Variants in ANKFN1 observed in about 807,000 individuals in gnomAD.
ANKFN1 encodes the protein ankyrin repeat and fibronectin type-III domain-containing protein 1.
A neutral mutation model predicts 108.7 loss-of-function variants in ANKFN1; 74 were observed. That is an observed-to-expected ratio of 0.68 (90% CI 0.56 to 0.83). The LOEUF is 0.83. ANKFN1 is among the 40% of genes least tolerant of loss of function. The pLI, the probability that ANKFN1 is intolerant of heterozygous loss-of-function variation, is 0.00. For missense variants in ANKFN1, 1,505 were observed against 1,382.3 expected, an observed-to-expected ratio of 1.09 and a Z score of -1.41; for synonymous variants, 547 against 516.2, an observed-to-expected ratio of 1.06 and a Z score of -0.81.
At chr17:56,456,697 C>T (rs1029083697) in intron 11 of ANKFN1, among the ~76,000 whole-genome samples, 164 bp from the exon 12 acceptor site, 11 of 151,824 alleles carry the variant, frequency 7.2e-5, no homozygotes, top group African/African-American at 2.7e-4. Flanking sequence ...TGCCCGGCTA[C>T]AAGAGCTTCT....
intron 1 of ANKFN1, among the ~76,000 whole-genome samples, chr17:56,181,387 G>T (rs1020040095): frequency 6.6e-6 from 1 of 152,076 alleles, no homozygotes; most frequent in African/African-American, 2.4e-5. Context: ...CCTTTACAAA[G>T]CACTTTATAT....
chr17:56,417,262 G>A (rs2048269090), intron 8 of ANKFN1, among the ~76,000 whole-genome samples: 1 of 152,170 alleles, frequency 6.6e-6, no homozygotes, highest in African/African-American at 2.4e-5. Flanking sequence ...TGAGGGAATG[G>A]AGACCCTATT....
Position 56,341,546 on chromosome 17 carries a change from TC to T in ANKFN1, c.189-9219del, listed in dbSNP as rs916684170. Among the ~76,000 whole-genome samples the T allele has an allele frequency of 7.9e-5, 12 of 152,134 alleles. No homozygotes were observed. In the East Asian group the frequency reaches 1.4e-3, roughly 17 times the overall value. On this transcript the variant is annotated intron_variant, in intron 4 of 20. Transcript: ENST00000682825. ...TTGAATTTTATCAGAAACCTTTTTT[TC>T]ATCTATTGAGATAATCATGTGGCTT...
intron 3 of ANKFN1, among the ~76,000 whole-genome samples, chr17:56,312,187 A>C (rs1364752299): frequency 6.6e-6 from 1 of 152,100 alleles, no homozygotes; most frequent in Non-Finnish European, 1.5e-5. Flanking sequence ...CTGATAGTAG[A>C]CCTGTGTTCT....
chr17:56,463,475 C>A (rs1009499553), intron 14 of ANKFN1, among the ~76,000 whole-genome samples: 1 of 152,030 alleles, frequency 6.6e-6, no homozygotes, highest in Non-Finnish European at 1.5e-5. Context: ...ATTAAAATTT[C>A]CTAGGCCAGA....
intron 8 of ANKFN1, among the ~76,000 whole-genome samples, chr17:56,439,941 A>G (rs2145156687): frequency 6.6e-6 from 1 of 152,294 alleles, no homozygotes; most frequent in Admixed American, 6.5e-5. Context: ...ATATACACAT[A>G]CACATACACA....
chr17:56,384,154 G>T (rs113372341), intron 8 of ANKFN1, among the ~76,000 whole-genome samples: 1 of 152,244 alleles, frequency 6.6e-6, no homozygotes, highest in Admixed American at 6.5e-5. Flanking sequence ...TTCATCCCTG[G>T]GATGCAAGGC....
At position 56,083,188 on chromosome 17, in the gene ANKFN1, T is replaced by C. The variant is rs1295512339; in HGVS notation, c.288+36863T>C. 2.7e-5 allele frequency among the ~76,000 whole-genome samples: 4 copies of C among 149,232 alleles called. 1 individual carries two copies. The highest frequency in any genetic ancestry group is 5.9e-5 in the Non-Finnish European group (4 of 67,714). On this transcript the variant is annotated intron_variant, in intron 4 of 12. Coordinates refer to the ANKFN1 transcript ENST00000635860. ...ACGGAAAAATGAATAAGTGAATCAA[T>C]GAAACTCAACTGTGCCGAGAAGAAT...
At chr17:56,296,699 A>AAACAAC (rs572858230) in intron 3 of ANKFN1, among the ~76,000 whole-genome samples, 1 of 151,932 alleles carries the variant, frequency 6.6e-6, no homozygotes, top group Non-Finnish European at 1.5e-5. Context: ...ACAAACAAAC[A>AAACAAC]AACAACAACA....
chr17:56,060,798 A>T (rs1334161597), intron 4 of ANKFN1, among the ~76,000 whole-genome samples: 2 of 152,174 alleles, frequency 1.3e-5, no homozygotes, highest in Non-Finnish European at 2.9e-5. Flanking sequence ...ATCGTGGTGT[A>T]TATTTCTTTG....
chr17:56,079,611 C>T (rs986120286), intron 4 of ANKFN1, among the ~76,000 whole-genome samples: 1 of 152,120 alleles, frequency 6.6e-6, no homozygotes, highest in Non-Finnish European at 1.5e-5. Context: ...TAGACATTGT[C>T]TAAGACTCTA....
At chr17:56,370,322 T>C (rs1357082440) in intron 6 of ANKFN1, among the ~76,000 whole-genome samples, 1 of 152,156 alleles carries the variant, frequency 6.6e-6, no homozygotes, top group East Asian at 1.9e-4. Flanking sequence ...AAATGTGTGG[T>C]TCTAGGGAAA....
In ANKFN1 at chr17:56,226,731, GGA is replaced by G. The variant is rs1310779617; in HGVS notation, c.13-1180_13-1179del. Among the ~76,000 whole-genome samples, 33 of 152,258 alleles carry G rather than the reference GGA, an allele frequency of 2.2e-4. No individual in the cohort carries two copies. The East Asian group carries it at 6.0e-3, about 28-fold the overall frequency. ...AGCAGTAACAACACCAGGTGGAATT[GGA>G]GAGAGTGCTGGAGAGAGGAAATACA... is the stretch of plus-strand genomic sequence containing the variant. On this transcript the variant is annotated intron_variant, in intron 2 of 20. Coordinates refer to ENST00000682825, the MANE Select transcript of ANKFN1 (RefSeq NM_001370326.1).
At chr17:56,265,401 CA>C (rs1184203851) in intron 3 of ANKFN1, among the ~76,000 whole-genome samples, 2 of 152,176 alleles carry the variant, frequency 1.3e-5, no homozygotes, top group Non-Finnish European at 2.9e-5. Context: ...CTCTTGAGAA[CA>C]CCATGGAGGA....
At chr17:56,094,755 C>T (rs550650711) in intron 4 of ANKFN1, among the ~76,000 whole-genome samples, 6 of 146,662 alleles carry the variant, frequency 4.1e-5, no homozygotes, top group South Asian at 2.1e-4. Context: ...CTCCTGACTT[C>T]GTGATCCACC....
intron 19 of ANKFN1, among the ~76,000 whole-genome samples, chr17:56,497,500 G>A (rs1598725238): frequency 6.6e-6 from 1 of 152,284 alleles, no homozygotes; most frequent in East Asian, 1.9e-4. Context: ...CTGAATGTCA[G>A]ACCTACTGTG....
chr17:56,501,530 T>A (rs1166772636), intron 20 of ANKFN1, among the ~76,000 whole-genome samples: 3 of 152,206 alleles, frequency 2.0e-5, no homozygotes, highest in African/African-American at 7.2e-5. Context: ...GTTGGGCATG[T>A]TGAATTTGCG....
intron 4 of ANKFN1, among the ~76,000 whole-genome samples, chr17:56,073,653 T>G (rs1160889264): frequency 2.0e-5 from 3 of 152,266 alleles, no homozygotes; most frequent in Non-Finnish European, 4.4e-5. Flanking sequence ...TCTTACCAAT[T>G]AAGCTGTTAC....
At chr17:56,286,807 T>C (rs553693962) in intron 3 of ANKFN1, among the ~76,000 whole-genome samples, 73 of 152,282 alleles carry the variant, frequency 4.8e-4, no homozygotes, top group Non-Finnish European at 9.1e-4. Flanking sequence ...GATCATATGA[T>C]ATGGCATCTA....
Sources: gnomAD v4.1 joint callset for allele counts (sites outside exome capture counted in the v4.1 genomes callset) on GRCh38, gnomAD v4.1.1 for gene constraint, MANE v1.5 for transcripts, NCBI Gene and HGNC (gene_info 2026-07-23, HGNC 2026-07-21) for gene names.